Variants in PTPRD observed in about 807,000 individuals in gnomAD.
PTPRD encodes the protein protein tyrosine phosphatase receptor type D, also known as receptor-type tyrosine-protein phosphatase delta.
Under a neutral mutation model 214.5 loss-of-function variants are expected in PTPRD, and 34 were observed. That is an observed-to-expected ratio of 0.16 (90% CI 0.12 to 0.21). The LOEUF is 0.21. Among genes scored for constraint, PTPRD ranks in the 10% least tolerant of loss-of-function variants. PTPRD has a pLI of 1.00. For synonymous variants in PTPRD, 1,128 were observed against 845.7 expected, an observed-to-expected ratio of 1.33 and a Z score of -5.79; for missense variants, 2,545 against 2,398.7, an observed-to-expected ratio of 1.06 and a Z score of -1.27.
intron 4 of PTPRD, among the ~76,000 whole-genome samples, chr9:9,940,739 G>C (rs182656604): frequency 6.6e-6 from 1 of 152,076 alleles, no homozygotes; most frequent in African/African-American, 2.4e-5. Flanking sequence ...TGTTCTAATT[G>C]ATCATGTATT....
chr9:10,366,184 G>T (rs73644428), intron 2 of PTPRD, among the ~76,000 whole-genome samples: 3,037 of 152,276 alleles, frequency 0.02, 77 homozygotes, highest in African/African-American at 0.063. Context: ...GCTCTGCGAT[G>T]TATGCTTCCC....
At chr9:10,213,552 A>T (rs1006306934) in intron 3 of PTPRD, among the ~76,000 whole-genome samples, 3 of 152,162 alleles carry the variant, frequency 2.0e-5, no homozygotes, top group Admixed American at 6.6e-5. Flanking sequence ...AGAGAGCAAG[A>T]TATAGTATTT....
At chr9:10,122,270 T>G (rs529579109) in intron 3 of PTPRD, among the ~76,000 whole-genome samples, 9 of 152,270 alleles carry the variant, frequency 5.9e-5, no homozygotes, top group Non-Finnish European at 1.3e-4. Flanking sequence ...ATTGTGTCAC[T>G]GCACTCCAGC....
chr9:10,302,098 G>T (rs1212983019), intron 3 of PTPRD, among the ~76,000 whole-genome samples: 1 of 152,204 alleles, frequency 6.6e-6, no homozygotes, highest in Non-Finnish European at 1.5e-5. Context: ...CAAGCCAGAA[G>T]AGAGTGGGGG....
chr9:9,456,007 G>A (rs1245509212), intron 8 of PTPRD, among the ~76,000 whole-genome samples: 2 of 151,762 alleles, frequency 1.3e-5, no homozygotes, highest in African/African-American at 2.4e-5. Context: ...CATATTTATT[G>A]ATAAATGTTG....
At chr9:9,513,916 A>C (rs944239085) in intron 8 of PTPRD, among the ~76,000 whole-genome samples, 1 of 152,022 alleles carries the variant, frequency 6.6e-6, no homozygotes, top group Admixed American at 6.6e-5. Flanking sequence ...AGAGAGTAAA[A>C]ATGTCTTGTG....
chr9:8,392,152 A>C (rs998438864), intron 36 of PTPRD, among the ~76,000 whole-genome samples: 1 of 152,126 alleles, frequency 6.6e-6, no homozygotes, highest in Non-Finnish European at 1.5e-5. Flanking sequence ...TGAGAGGCTG[A>C]GGCAGGAGGA....
intron 11 of PTPRD, among the ~76,000 whole-genome samples, chr9:8,893,445 T>A (rs1388563920): frequency 6.6e-6 from 1 of 152,204 alleles, no homozygotes; most frequent in Non-Finnish European, 1.5e-5. Flanking sequence ...AGGACCATGA[T>A]GCTCAAGCTC....
intron 6 of PTPRD, among the ~76,000 whole-genome samples, chr9:9,740,201 T>C (rs183909392): frequency 1.3e-5 from 2 of 152,168 alleles, no homozygotes; most frequent in Non-Finnish European, 2.9e-5. Flanking sequence ...TGTTGTCATA[T>C]CCCACCATGA....
At chr9:9,906,082 C>A (rs1370237788) in intron 5 of PTPRD, among the ~76,000 whole-genome samples, 1 of 151,858 alleles carries the variant, frequency 6.6e-6, no homozygotes, top group Non-Finnish European at 1.5e-5. Context: ...ATACAGGATG[C>A]CTGCGAGGCA....
At chr9:9,779,047 C>T (rs1159739148) in intron 5 of PTPRD, among the ~76,000 whole-genome samples, 1 of 122,916 alleles carries the variant, frequency 8.1e-6, no homozygotes, top group Admixed American at 9.7e-5. Flanking sequence ...AAGCCTCACA[C>T]CTACAGCCAT....
rs1369033336 is a variant in PTPRD at position 10,142,029 on chromosome 9, T to G, written c.-544-108239A>C. Among the ~76,000 whole-genome samples the G allele has an allele frequency of 2.6e-5, 4 of 152,196 alleles. No homozygotes were observed. The East Asian group carries it at 7.7e-4, about 29-fold the overall frequency. ...ACCAAAACAAGCAATGGGGAAAGGA[T>G]TCCCTATTTAATAAATGGTGCTGGG... On this transcript the variant is annotated intron_variant, in intron 3 of 45. Coordinates refer to ENST00000381196, the MANE Select transcript of PTPRD (RefSeq NM_002839.4).
At chr9:8,471,163 A>T in intron 30 of PTPRD, 78 bp from the exon 31 acceptor site, 1 of 1,253,896 alleles carries the variant, frequency 8.0e-7, no homozygotes, top group South Asian at 1.2e-5. Flanking sequence ...CCTTCCACAG[A>T]CCAATGAGGT....
intron 3 of PTPRD, among the ~76,000 whole-genome samples, chr9:10,115,640 C>G (rs1182667556): frequency 8.8e-6 from 1 of 114,202 alleles, no homozygotes; most frequent in Non-Finnish European, 2.2e-5. Context: ...TAAAACTTTA[C>G]AAGTTTTTTT....
At chr9:10,074,203 G>C (rs1295075987) in intron 3 of PTPRD, among the ~76,000 whole-genome samples, 1 of 152,028 alleles carries the variant, frequency 6.6e-6, no homozygotes, top group Non-Finnish European at 1.5e-5. Context: ...CCTCTCATTG[G>C]CCTGCTTATG....
Position 9,946,842 on chromosome 9 carries a change from T to C in PTPRD, c.-471-8232A>G, listed in dbSNP as rs182565490. On this transcript the variant is annotated intron_variant, in intron 4 of 45. Coordinates refer to ENST00000381196, the MANE Select transcript of PTPRD (RefSeq NM_002839.4). ...TAAAGCAAAACTCAAGTAGTTCCAC[T>C]GAAACTTAAAATATGCTTTAATTGA... Among the ~76,000 whole-genome samples, 62 of 152,214 alleles carry C rather than the reference T, an allele frequency of 4.1e-4. No homozygotes were observed. In the East Asian group the frequency reaches 6.0e-3, roughly 15 times the overall value.
intron 12 of PTPRD, chr9:8,713,515 G>C: frequency 8.3e-7 from 1 of 1,201,262 alleles, no homozygotes; most frequent in Non-Finnish European, 1.2e-6. Context: ...TCAGGTGTTT[G>C]AGAAGTCCCC....
In PTPRD at chr9:8,317,597, C is replaced by A; in HGVS notation, c.*277G>T. 6.2e-6 allele frequency: 2 copies of A among 322,758 alleles called. No homozygotes were observed. The highest frequency in any genetic ancestry group is 1.2e-5 in the Non-Finnish European group (2 of 169,128). 20.0% of individuals were successfully genotyped at this position (322,758 alleles called of 1,614,324 possible). ...GGTTCTTTGCTGTGATTTCTTCTTC[C>A]CTTGATTTTGAATCCTTGAGGTATC... On this transcript the variant is annotated 3_prime_UTR_variant, in exon 46 of 46. Coordinates refer to ENST00000381196, the MANE Select transcript of PTPRD (RefSeq NM_002839.4).
At chr9:8,940,453 TTTTTTTTTTTG>T (rs2099026182) in intron 11 of PTPRD, among the ~76,000 whole-genome samples, 1 of 134,138 alleles carries the variant, frequency 7.5e-6, no homozygotes, top group Non-Finnish European at 1.6e-5. Flanking sequence ...CAGCTTTTTT[TTTTTTTTTTTG>T]GTATTTTTAA....
Sources: gnomAD v4.1 joint callset for allele counts (sites outside exome capture counted in the v4.1 genomes callset) on GRCh38, gnomAD v4.1.1 for gene constraint, MANE v1.5 for transcripts, NCBI Gene and HGNC (gene_info 2026-07-23, HGNC 2026-07-21) for gene names.